POLI: variants seen among roughly 807,000 people sequenced by gnomAD.
POLI encodes the protein RAD30 homolog B.
In POLI, 58 loss-of-function variants were observed where a neutral mutation model predicts 51.6. The ratio of observed to expected loss-of-function variants is 1.12; its 90% CI spans 0.91 to 1.40. The LOEUF (loss-of-function observed/expected upper bound fraction) is 1.40, where lower values mean the gene tolerates loss of function less well. Among genes scored for constraint, POLI ranks in the 40% most tolerant of loss-of-function variants. The pLI is 0.00. For synonymous variants in POLI, 322 were observed against 299.7 expected (o/e 1.07, Z -0.77); for missense variants, 921 against 871.3 (o/e 1.06, Z -0.72).
intron 7 of POLI, among the ~76,000 whole-genome samples, chr18:54,286,642 A>G (rs1364952693): frequency 1.3e-5 from 2 of 152,072 alleles, no homozygotes; most frequent in Admixed American, 6.6e-5. Flanking sequence ...TTTCCTGCTG[A>G]TTTTAATTTG....
chr18:54,297,063 G>T lies in POLI; in HGVS notation c.*2596G>T. The T allele has an allele frequency of 1.0e-6, 1 of 985,316 alleles. No individual in the cohort carries two copies. The highest frequency in any genetic ancestry group is 1.2e-6 in the Non-Finnish European group (1 of 829,904). 61.0% of individuals were successfully genotyped at this position (985,316 alleles called of 1,614,324 possible). A position where few individuals can be genotyped will look rare whatever the true frequency, so the allele number is the denominator to read the frequency against. On this transcript the variant is annotated 3_prime_UTR_variant, in exon 10 of 10. Coordinates refer to ENST00000579534, the MANE Select transcript of POLI (RefSeq NM_007195.3). ...TGGGTGAGGTGGTACAAACTCCTTGGCATACTCTATTCACCTTTGTGGATC... is the reference window on the plus strand; with the variant it reads ...TGGGTGAGGTGGTACAAACTCCTTGTCATACTCTATTCACCTTTGTGGATC...
chr18:54,293,589 CA>C lies in POLI; in HGVS notation c.1405-59del, dbSNP rs1231138628. ...GATAATAGCTACAGGCACACAGCAG[CA>C]GCAGCGATATTTAAAAGATATCAGA... On this transcript the variant is annotated intron_variant, in intron 9 of 9. Transcript: ENST00000579534. 5 of 1,147,808 alleles carry C rather than the reference CA, an allele frequency of 4.4e-6. No homozygotes were observed. In the African/African-American group the frequency reaches 7.8e-5, roughly 18 times the overall value. 71.1% of individuals were successfully genotyped at this position (1,147,808 alleles called of 1,614,324 possible).
chr18:54,293,055 A>C (rs1866173929), intron 9 of POLI, among the ~76,000 whole-genome samples: 1 of 152,032 alleles, frequency 6.6e-6, no homozygotes, highest in South Asian at 2.1e-4. Flanking sequence ...ATATTTGACT[A>C]TGTTTATATT....
rs769356773 is a variant in POLI, at chr18:54,280,909, A to T, written c.796+6A>T. The T allele has an allele frequency of 6.9e-7, 1 of 1,449,322 alleles. No homozygotes were observed. Among genetic ancestry groups the T allele is most frequent in the South Asian group, 1.1e-5 (1 of 87,196 alleles). The allele number at this position is 1,449,322 out of a possible 1,614,324, so 89.8% of individuals were successfully genotyped here. A position where few individuals can be genotyped will look rare whatever the true frequency, so the allele number is the denominator to read the frequency against. The stretch of plus-strand genomic sequence containing the variant: ...TCACATAAAGGAAATACCTGGTAAG[A>T]CAAATATATTTGAAAAGTACATATA... On this transcript the variant is annotated splice_donor_region_variant and intron_variant, in intron 5 of 9. Transcript: ENST00000579534.
intron 3 of POLI, among the ~76,000 whole-genome samples, chr18:54,303,559 T>C (rs987394526): frequency 6.6e-6 from 1 of 152,170 alleles, no homozygotes; most frequent in African/African-American, 2.4e-5. Context: ...GAGTGTGTGT[T>C]CATGTTTGCT....
chr18:54,275,811 T>A (rs2087216109), intron 3 of POLI, among the ~76,000 whole-genome samples: 1 of 152,230 alleles, frequency 6.6e-6, no homozygotes, highest in Admixed American at 6.5e-5. Flanking sequence ...CTTTTTGTGT[T>A]AGGTATTTTT....
At chr18:54,314,776 G>A (rs2088710370) in intron 3 of POLI, among the ~76,000 whole-genome samples, 1 of 150,660 alleles carries the variant, frequency 6.6e-6, no homozygotes, top group African/African-American at 2.4e-5. Context: ...TGGTCACTGG[G>A]TATCTTCTGT....
At position 54,296,913 on chromosome 18, in the gene POLI, A is replaced by C; in HGVS notation, c.*2446A>C. ...CAATATTTTAAGTCTTTATAAGTCT[A>C]CATTTAAGGTTATTATTGCATATCA... On this transcript the variant is annotated 3_prime_UTR_variant, in exon 10 of 10. Transcript: ENST00000579534. 1 of 955,760 alleles carries C rather than the reference A, an allele frequency of 1.0e-6. No individual in the cohort carries two copies. 59.2% of individuals were successfully genotyped at this position (955,760 alleles called of 1,614,324 possible).
chr18:54,279,428 A>G (rs1232519123), intron 4 of POLI, among the ~76,000 whole-genome samples: 1 of 151,888 alleles, frequency 6.6e-6, no homozygotes, highest in Non-Finnish European at 1.5e-5. Context: ...TTTTTAGTAG[A>G]GACGGGGTTT....
downstream of POLI, among the ~76,000 whole-genome samples, chr18:54,302,917 C>T (rs1221702422): frequency 1.3e-5 from 2 of 152,188 alleles, no homozygotes; most frequent in African/African-American, 2.4e-5. Flanking sequence ...ATAACAACCT[C>T]CAGTTCCATC....
chr18:54,285,963 T>C (rs2087722985), intron 7 of POLI, among the ~76,000 whole-genome samples: 1 of 152,152 alleles, frequency 6.6e-6, no homozygotes, highest in Admixed American at 6.6e-5. Context: ...CTCAGCCTCC[T>C]GGGCTCAAGC....
At position 54,280,775 on chromosome 18, in the gene POLI, G is replaced by A. The variant is rs753854966; in HGVS notation, c.668G>A (p.Gly223Glu). The change falls in exon 5 of 10, where the codon GGA becomes GAA. Residue 223 changes from glycine (G) to glutamate (E), a missense_variant. Coordinates refer to ENST00000579534, the MANE Select transcript of POLI (RefSeq NM_007195.3). Reference sequence around the variant, plus strand: ...CAGTTGGGGCTCACTGGCTGTGCTGGAGTGGCTTCTAATAAACTGTTGGCA... The same window carrying A: ...CAGTTGGGGCTCACTGGCTGTGCTGAAGTGGCTTCTAATAAACTGTTGGCA... Reference protein sequence around the residue: ...YNQLGLTGCAGVASNKLLAKL... With the variant: ...YNQLGLTGCAEVASNKLLAKL... The A allele has an allele frequency of 1.2e-6, 2 of 1,613,758 alleles. No individual in the cohort carries two copies. The highest frequency in any genetic ancestry group is 2.2e-5 in the South Asian group (2 of 91,072).
At chr18:54,312,088 A>T (rs541325882) in intron 3 of POLI, among the ~76,000 whole-genome samples, 1 of 152,124 alleles carries the variant, frequency 6.6e-6, no homozygotes. Flanking sequence ...TAGTTTTTCA[A>T]CCCTTGATCC....
chr18:54,284,883 A>G (rs1053800791), intron 7 of POLI, among the ~76,000 whole-genome samples: 1 of 152,246 alleles, frequency 6.6e-6, no homozygotes, highest in Non-Finnish European at 1.5e-5. Flanking sequence ...CATATTCCAC[A>G]GATGAGTATT....
At chr18:54,315,887 G>A (rs1291537334) in intron 3 of POLI, among the ~76,000 whole-genome samples, 1 of 151,582 alleles carries the variant, frequency 6.6e-6, no homozygotes, top group East Asian at 1.9e-4. Context: ...AGACAGTTGG[G>A]TCTTGATTTT....
chr18:54,269,823 T>C, intron 1 of POLI, 162 bp downstream of exon 1: 1 of 1,364,556 alleles, frequency 7.3e-7, no homozygotes, highest in Admixed American at 3.8e-5. Flanking sequence ...ACGCGGCGGG[T>C]ACCTCTAGAG....
Position 54,295,364 on chromosome 18 carries a change from T to C in POLI, c.*897T>C, listed in dbSNP as rs2088270635. 1.0e-6 allele frequency: 1 copy of C among 984,390 alleles called. No homozygotes were observed. The highest frequency in any genetic ancestry group is 1.2e-6 in the Non-Finnish European group (1 of 829,078). The allele number at this position is 984,390 out of a possible 1,614,324, so 61.0% of individuals were successfully genotyped here. A position where few individuals can be genotyped will look rare whatever the true frequency, so the allele number is the denominator to read the frequency against. On this transcript the variant is annotated 3_prime_UTR_variant, in exon 10 of 10. Transcript: ENST00000579534. The stretch of plus-strand genomic sequence containing the variant: ...ACTAAATTGGTGGATGTCCTCTTTC[T>C]CCCATTGTTATTGCCTTCCTCTTTT...
Position 54,295,826 on chromosome 18 carries a change from C to A in POLI, c.*1359C>A. ...TATTTTTAGTAGAGATGACATTTCA[C>A]CATATTGGCCAGGCTGGTCTCGAAC... On this transcript the variant is annotated 3_prime_UTR_variant, in exon 10 of 10. Coordinates refer to ENST00000579534, the MANE Select transcript of POLI (RefSeq NM_007195.3). The A allele has an allele frequency of 3.2e-6, 1 of 309,092 alleles. No individual in the cohort carries two copies. The highest frequency in any genetic ancestry group is 4.7e-6 in the Non-Finnish European group (1 of 211,834). The allele number at this position is 309,092 out of a possible 1,614,324, so 19.1% of individuals were successfully genotyped here.
intron 3 of POLI, among the ~76,000 whole-genome samples, chr18:54,310,203 C>T (rs571039475): frequency 2.6e-5 from 4 of 152,190 alleles, no homozygotes; most frequent in Non-Finnish European, 5.9e-5. Flanking sequence ...AGAGCTGTTC[C>T]TATTCAGCCA....
Sources: allele counts gnomAD v4.1 joint callset (sites outside exome capture counted in the v4.1 genomes callset), GRCh38; gene constraint gnomAD v4.1.1; transcripts MANE v1.5; gene names NCBI Gene and HGNC (gene_info 2026-07-23, HGNC 2026-07-21).